The following FRMD4B variants were observed in gnomAD, a reference collection of about 807,000 sequenced individuals.
The protein encoded by FRMD4B is FERM domain containing 4B.
FRMD4B carries 74 observed loss-of-function variants against 141.5 expected under a neutral mutation model. The ratio of observed to expected loss-of-function variants is 0.52; its 90% CI spans 0.43 to 0.63. FRMD4B has a LOEUF of 0.63. Among genes scored for constraint, FRMD4B ranks in the 30% least tolerant of loss-of-function variants. The pLI is 0.00. For synonymous variants in FRMD4B, 506 were observed against 467.9 expected (o/e 1.08, Z -1.05); for missense variants, 1,366 against 1,253.4 (o/e 1.09, Z -1.36).
chr3:69,281,527 A>G (rs1266545207), intron 5 of FRMD4B, among the ~76,000 whole-genome samples: 1 of 152,066 alleles, frequency 6.6e-6, no homozygotes, highest in Non-Finnish European at 1.5e-5. Flanking sequence ...GCCACATTTC[A>G]TACATAAAAT....
chr3:69,515,800 C>T (rs563931884), intron 1 of FRMD4B, among the ~76,000 whole-genome samples: 9 of 152,208 alleles, frequency 5.9e-5, no homozygotes, highest in South Asian at 4.1e-4. Flanking sequence ...GAAAATATAA[C>T]GCCGAAATAA....
chr3:69,496,625 G>GAGAGAA (rs1559545568), intron 1 of FRMD4B, among the ~76,000 whole-genome samples: 13 of 93,404 alleles, frequency 1.4e-4, no homozygotes, highest in African/African-American at 6.3e-4. Flanking sequence ...GAGAGAGAGA[G>GAGAGAA]AGAGAGAGAG....
rs567843642 is a variant in FRMD4B at position 69,237,255 on chromosome 3, C to G, written c.581+11971G>C. On this transcript the variant is annotated intron_variant, in intron 7 of 22. Transcript: ENST00000398540. ...GCCGGGAAAGGAAACACCCAGCTGGCTGTGCCAGCCCTTGCTCTCCTCCCC... is the reference window on the plus strand; with the variant it reads ...GCCGGGAAAGGAAACACCCAGCTGGGTGTGCCAGCCCTTGCTCTCCTCCCC... Among the ~76,000 whole-genome samples, 188 of 152,372 alleles carry G rather than the reference C, an allele frequency of 1.2e-3. 2 individuals are homozygous for G. The highest frequency in any genetic ancestry group is 4.1e-3 in the African/African-American group (172 of 41,598).
At chr3:69,349,226 G>A (rs1243369629) in intron 1 of FRMD4B, among the ~76,000 whole-genome samples, 2 of 152,128 alleles carry the variant, frequency 1.3e-5, no homozygotes, top group African/African-American at 4.8e-5. Context: ...ATTCACAATT[G>A]CTTCAAAGGG....
chr3:69,344,455 A>G (rs1201015931), intron 1 of FRMD4B, among the ~76,000 whole-genome samples: 7 of 152,246 alleles, frequency 4.6e-5, no homozygotes, highest in Admixed American at 4.6e-4. Flanking sequence ...AAGTAACTAC[A>G]AATAATTAAG....
At chr3:69,480,556 G>C (rs1306568773) in intron 1 of FRMD4B, among the ~76,000 whole-genome samples, 1 of 152,124 alleles carries the variant, frequency 6.6e-6, no homozygotes, top group Non-Finnish European at 1.5e-5. Flanking sequence ...CTGTCTGATC[G>C]TTCCTCTGGA....
intron 7 of FRMD4B, among the ~76,000 whole-genome samples, chr3:69,235,663 T>TA: frequency 6.8e-6 from 1 of 146,904 alleles, no homozygotes. Flanking sequence ...CATATCAAAT[T>TA]AAAAAAAAGA....
chr3:69,405,999 A>T (rs1465669702), intron 2 of FRMD4B, among the ~76,000 whole-genome samples: 4 of 152,186 alleles, frequency 2.6e-5, no homozygotes, highest in Non-Finnish European at 5.9e-5. Flanking sequence ...TCTGTTCCAA[A>T]GCAAAGGGAT....
chr3:69,239,095 C>T (rs2093364471), intron 7 of FRMD4B, among the ~76,000 whole-genome samples: 1 of 152,166 alleles, frequency 6.6e-6, no homozygotes, highest in African/African-American at 2.4e-5. Context: ...TTGAAAGTAA[C>T]TTGCCAAGTT....
intron 2 of FRMD4B, among the ~76,000 whole-genome samples, chr3:69,413,077 C>T (rs1704788019): frequency 6.6e-6 from 1 of 151,926 alleles, no homozygotes; most frequent in African/African-American, 2.4e-5. Context: ...TGGTTCATTG[C>T]TATACTCTTG....
chr3:69,172,968 T>TC (rs1264416768), intron 22 of FRMD4B, among the ~76,000 whole-genome samples: 13 of 152,192 alleles, frequency 8.5e-5, no homozygotes, highest in Admixed American at 8.5e-4. Flanking sequence ...TTTCATAATT[T>TC]CACACATCAG....
At position 69,221,856 on chromosome 3, in the gene FRMD4B, A is replaced by G; in HGVS notation, c.731+2T>C. 2 of 1,464,730 alleles carry G rather than the reference A, an allele frequency of 1.4e-6. No individual in the cohort carries two copies. The highest frequency in any genetic ancestry group is 1.9e-6 in the Non-Finnish European group (2 of 1,050,114). 90.7% of individuals were successfully genotyped at this position (1,464,730 alleles called of 1,614,324 possible). The stretch of plus-strand genomic sequence containing the variant: ...TATCTAAGCAAAAGGAAAGATACTT[A>G]CTGAACCACAGCTTGACCTCGAGTG... On this transcript the variant is annotated splice_donor_variant, in intron 9 of 22. Coordinates refer to ENST00000398540, the MANE Select transcript of FRMD4B (RefSeq NM_015123.3). LOFTEE classifies it high-confidence loss of function.
chr3:69,368,324 A>G (rs1448969955), intron 1 of FRMD4B, among the ~76,000 whole-genome samples: 1 of 152,226 alleles, frequency 6.6e-6, no homozygotes, highest in East Asian at 1.9e-4. Flanking sequence ...CTCCCACAGG[A>G]TATGTGCAAA....
At chr3:69,235,218 T>C (rs114668442) in intron 7 of FRMD4B, among the ~76,000 whole-genome samples, 3,556 of 150,164 alleles carry the variant, frequency 0.024, 88 homozygotes, top group Non-Finnish European at 0.032. Flanking sequence ...AAAGAAACTG[T>C]AATCAACTCC....
chr3:69,289,963 T>C (rs78091673), intron 4 of FRMD4B, among the ~76,000 whole-genome samples: 4,335 of 152,318 alleles, frequency 0.028, 217 homozygotes, highest in African/African-American at 0.097. Context: ...GACCTCTCCT[T>C]ACTTCTCCAG....
At chr3:69,248,162 C>T (rs2093437080) in intron 7 of FRMD4B, among the ~76,000 whole-genome samples, 1 of 151,648 alleles carries the variant, frequency 6.6e-6, no homozygotes, top group Non-Finnish European at 1.5e-5. Context: ...TTTTTAAACT[C>T]CTGCCCCTTT....
chr3:69,514,524 C>T (rs1700716991), intron 1 of FRMD4B, among the ~76,000 whole-genome samples: 1 of 151,912 alleles, frequency 6.6e-6, no homozygotes, highest in Non-Finnish European at 1.5e-5. Flanking sequence ...AGCCTCTCTA[C>T]TAAAAATATA....
chr3:69,262,090 T>C (rs1427632136), intron 5 of FRMD4B, among the ~76,000 whole-genome samples: 2 of 150,670 alleles, frequency 1.3e-5, no homozygotes, highest in Non-Finnish European at 3.0e-5. Context: ...CCTCAGCCTC[T>C]TGAGTAGCTG....
chr3:69,497,664 T>A (rs1171870943), intron 1 of FRMD4B, among the ~76,000 whole-genome samples: 1 of 152,178 alleles, frequency 6.6e-6, no homozygotes, highest in Non-Finnish European at 1.5e-5. Context: ...GTAAAACACT[T>A]AGGAAACAGC....
Sources: allele counts gnomAD v4.1 joint callset (sites outside exome capture counted in the v4.1 genomes callset), GRCh38; gene constraint gnomAD v4.1.1; transcripts MANE v1.5; gene names NCBI Gene and HGNC (gene_info 2026-07-23, HGNC 2026-07-21).